NEURL1: variants seen among roughly 807,000 people sequenced by gnomAD.
NEURL1 encodes the protein E3 ubiquitin-protein ligase NEURL1.
In NEURL1, 26 loss-of-function variants were observed where a neutral mutation model predicts 41.2. The observed-to-expected ratio is 0.63, with a 90% CI of 0.46 to 0.87. The LOEUF (loss-of-function observed/expected upper bound fraction) is 0.87, where lower values mean the gene tolerates loss of function less well. NEURL1 is among the 40% of genes least tolerant of loss of function. The pLI is 0.00. For synonymous variants in NEURL1, 400 were observed against 402.3 expected (o/e 0.99, Z 0.07); for missense variants, 761 against 871.1 (o/e 0.87, Z 1.59).
chr10:103,535,858 C>T (rs1431829602), intron 1 of NEURL1, among the ~76,000 whole-genome samples: 1 of 152,096 alleles, frequency 6.6e-6, no homozygotes, highest in Non-Finnish European at 1.5e-5. Context: ...TGAAGGGGAC[C>T]CATGGCAACT....
At chr10:103,523,746 C>T (rs1002394677) in intron 1 of NEURL1, among the ~76,000 whole-genome samples, 2 of 152,130 alleles carry the variant, frequency 1.3e-5, no homozygotes, top group African/African-American at 4.8e-5. Flanking sequence ...GTCCTCTGAG[C>T]TCATTCATAT....
intron 1 of NEURL1, among the ~76,000 whole-genome samples, chr10:103,522,786 C>A (rs538358065): frequency 6.6e-6 from 1 of 152,006 alleles, no homozygotes; most frequent in Non-Finnish European, 1.5e-5. Context: ...AGCCATGATC[C>A]GCTGGTTGGA....
intron 1 of NEURL1, among the ~76,000 whole-genome samples, chr10:103,552,813 C>G (rs2035062339): frequency 6.6e-6 from 1 of 151,874 alleles, no homozygotes; most frequent in Non-Finnish European, 1.5e-5. Context: ...GGCCATGGCT[C>G]TCTCTGTATA....
chr10:103,504,488 G>T (rs2033902029), intron 1 of NEURL1, among the ~76,000 whole-genome samples: 1 of 152,212 alleles, frequency 6.6e-6, no homozygotes, highest in Non-Finnish European at 1.5e-5. Flanking sequence ...CAGAGGTAAA[G>T]TGCCATTTCC....
chr10:103,571,424 T>A, intron 2 of NEURL1, 77 bp from the exon 3 acceptor site: 1 of 1,400,302 alleles, frequency 7.1e-7, no homozygotes, highest in South Asian at 1.4e-5. Context: ...CTCCAGGGAG[T>A]CCACCGCAGG....
chr10:103,578,664 A>G (rs999845831), intron 3 of NEURL1, among the ~76,000 whole-genome samples: 1 of 152,228 alleles, frequency 6.6e-6, no homozygotes, highest in African/African-American at 2.4e-5. Flanking sequence ...CTGAATCTTA[A>G]AGTCTGTGAC....
At chr10:103,512,368 G>C (rs1225041400) in intron 1 of NEURL1, among the ~76,000 whole-genome samples, 1 of 152,254 alleles carries the variant, frequency 6.6e-6, no homozygotes, top group African/African-American at 2.4e-5. Context: ...ACCAGTGACA[G>C]TGTGGCCTGA....
chr10:103,574,245 G>A (rs1335617978), intron 3 of NEURL1, among the ~76,000 whole-genome samples: 5 of 152,338 alleles, frequency 3.3e-5, no homozygotes, highest in South Asian at 2.1e-4. Flanking sequence ...CACTCCAGAC[G>A]ATGCAAGCGC....
In NEURL1 at chr10:103,589,624, A is replaced by C. The variant is rs2035996343; in HGVS notation, c.1450A>C (p.Thr484Pro). 1 of 1,613,612 alleles carries C rather than the reference A, an allele frequency of 6.2e-7. No individual in the cohort carries two copies. The highest frequency in any genetic ancestry group is 8.5e-7 in the Non-Finnish European group (1 of 1,179,764). Residue 484 changes from threonine (T) to proline (P), a missense_variant, in exon 5 of 6, where the codon ACG becomes CCG. Thr to Pro is a conservative substitution (Grantham distance 38, BLOSUM62 -1). This residue lies in a region of NEURL1 where 443 missense variants were observed against 408.1 expected (regional missense o/e 1.09). Transcript: ENST00000369780. ...GSRLSDPLLS[T>P]CSSGPLGSSA... ...CCGCCTGTCTGACCCCTTGCTCAGC[A>C]CGTGCAGCTCTGGCCCTCTGGGTAG...
At chr10:103,512,572 G>A (rs2034097387) in intron 1 of NEURL1, among the ~76,000 whole-genome samples, 1 of 152,176 alleles carries the variant, frequency 6.6e-6, no homozygotes, top group Non-Finnish European at 1.5e-5. Flanking sequence ...TGAAGTGGGT[G>A]GATTGCTTGA....
At chr10:103,561,611 A>G (rs1463684039) in intron 1 of NEURL1, among the ~76,000 whole-genome samples, 1 of 152,018 alleles carries the variant, frequency 6.6e-6, no homozygotes, top group Non-Finnish European at 1.5e-5. Flanking sequence ...GGCCCAACCC[A>G]CGCTTAAGGG....
intron 1 of NEURL1, among the ~76,000 whole-genome samples, chr10:103,525,170 T>C (rs1259977351): frequency 6.6e-6 from 1 of 152,076 alleles, no homozygotes; most frequent in Non-Finnish European, 1.5e-5. Context: ...AATTTATTCC[T>C]AGATTTTTTT....
rs34595199 is a variant in NEURL1 at position 103,505,220 on chromosome 10, A to ATTT, written c.85+10765_85+10767dup. Among the ~76,000 whole-genome samples, 100 of 128,640 alleles carry ATTT rather than the reference A, an allele frequency of 7.8e-4. 2 individuals carry two copies. The highest frequency in any genetic ancestry group is 8.1e-3 in the Middle Eastern group (2 of 246). 84.4% of individuals were successfully genotyped at this position (128,640 alleles called of 152,430 possible). A position where few individuals can be genotyped will look rare whatever the true frequency, so the allele number is the denominator to read the frequency against. On this transcript the variant is annotated intron_variant, in intron 1 of 5. Coordinates refer to ENST00000369780, the MANE Select transcript of NEURL1 (RefSeq NM_004210.5). Reference sequence around the variant, plus strand: ...AGGCACACAATACCAAGCCCAGCTAATTTTTTTTTTTTTTTTTTTGGTAGA... The same window carrying ATTT: ...AGGCACACAATACCAAGCCCAGCTAATTTTTTTTTTTTTTTTTTTTTTGGTAGA...
At chr10:103,537,954 C>G (rs533556523) in intron 1 of NEURL1, among the ~76,000 whole-genome samples, 2 of 152,088 alleles carry the variant, frequency 1.3e-5, no homozygotes, top group Non-Finnish European at 2.9e-5. Flanking sequence ...CTTTCCGTCA[C>G]TATAGATTAG....
Position 103,584,888 on chromosome 10 carries a change from G to A in NEURL1, c.1002G>A (p.Val334=), listed in dbSNP as rs1250166246. The A allele has an allele frequency of 1.4e-6, 2 of 1,443,690 alleles. No homozygotes were observed. The highest frequency in any genetic ancestry group is 1.8e-6 in the Non-Finnish European group (2 of 1,107,710). 89.4% of individuals were successfully genotyped at this position (1,443,690 alleles called of 1,614,324 possible). ...ALVFTSRPVR[V]AETIFVKVTR... is the part of the protein sequence containing the mutation. ...TCTTCACCAGCCGGCCCGTGCGCGT[G>A]GCCGAGACCATCTTCGTCAAGGTCA... The change falls in exon 4 of 6, where the codon GTG becomes GTA. Residue 334 remains valine, a synonymous_variant. Transcript: ENST00000369780.
intron 1 of NEURL1, among the ~76,000 whole-genome samples, chr10:103,502,192 G>A (rs1230868252): frequency 6.6e-6 from 1 of 152,226 alleles, no homozygotes; most frequent in Non-Finnish European, 1.5e-5. Flanking sequence ...GCTGATCAGC[G>A]AGGAAACTGA....
chr10:103,539,642 A>G (rs1170899049), intron 1 of NEURL1, among the ~76,000 whole-genome samples: 1 of 152,266 alleles, frequency 6.6e-6, no homozygotes, highest in Non-Finnish European at 1.5e-5. Context: ...TACTAAGGGC[A>G]TCAATCAGAA....
At chr10:103,575,350 G>A (rs1767554343) in intron 3 of NEURL1, among the ~76,000 whole-genome samples, 1 of 152,064 alleles carries the variant, frequency 6.6e-6, no homozygotes, top group African/African-American at 2.4e-5. Flanking sequence ...CTCTGAGGCT[G>A]GGCCAGTCTT....
At chr10:103,568,720 T>G (rs2035477113) in intron 1 of NEURL1, among the ~76,000 whole-genome samples, 1 of 152,174 alleles carries the variant, frequency 6.6e-6, no homozygotes, top group Non-Finnish European at 1.5e-5. Context: ...CACTGCCAAA[T>G]GTCACCTTGT....
Sources: allele counts gnomAD v4.1 joint callset (sites outside exome capture counted in the v4.1 genomes callset), GRCh38; gene constraint gnomAD v4.1.1; regional missense constraint gnomAD v4.1.1; transcripts MANE v1.5; gene names NCBI Gene and HGNC (gene_info 2026-07-23, HGNC 2026-07-21).